The following EMC8 variants were observed in gnomAD, a reference collection of about 807,000 sequenced individuals.
EMC8 encodes COX4 neighbor.
A neutral mutation model predicts 24.3 loss-of-function variants in EMC8; 11 were observed. That is an observed-to-expected ratio of 0.45 (90% CI 0.28 to 0.75). The LOEUF (loss-of-function observed/expected upper bound fraction) is 0.75, where lower values mean the gene tolerates loss of function less well. Ranked by LOEUF, EMC8 falls within the 30% of genes least tolerant of loss-of-function variation. The probability of loss-of-function intolerance (pLI) is 0.12; values close to 1 mark genes in which losing one functional copy is unlikely to be tolerated. For missense variants in EMC8, 277 were observed against 282.7 expected, an observed-to-expected ratio of 0.98 and a Z score of 0.14; for synonymous variants, 145 against 117.7, an observed-to-expected ratio of 1.23 and a Z score of -1.50.
chr16:85,791,987 T>C (rs557423740), intron 1 of EMC8, among the ~76,000 whole-genome samples: 1 of 152,256 alleles, frequency 6.6e-6, no homozygotes, highest in Non-Finnish European at 1.5e-5. Context: ...CCATACAACA[T>C]TTTCTAGGAA....
At chr16:85,780,355 C>T (rs751726340) in intron 4 of EMC8, 24 bp downstream of exon 4, 37 of 1,590,908 alleles carry the variant, frequency 2.3e-5, no homozygotes, top group East Asian at 1.6e-4. Flanking sequence ...GCCCAGCCCG[C>T]GCGGCAGCAT....
chr16:85,795,701 T>C (rs1241966517), intron 1 of EMC8, among the ~76,000 whole-genome samples: 2 of 152,172 alleles, frequency 1.3e-5, no homozygotes, highest in Non-Finnish European at 2.9e-5. Flanking sequence ...CAGTGTCCTG[T>C]ATAATAAACC....
At chr16:85,784,139 C>T (rs547633909) in intron 2 of EMC8, among the ~76,000 whole-genome samples, 25 of 152,312 alleles carry the variant, frequency 1.6e-4, no homozygotes, top group Non-Finnish European at 3.1e-4. Context: ...GCTGGGACTA[C>T]AGGCGCCCGC....
chr16:85,785,909 G>A (rs1904732866), intron 2 of EMC8, among the ~76,000 whole-genome samples: 1 of 151,658 alleles, frequency 6.6e-6, no homozygotes, highest in Admixed American at 6.6e-5. Flanking sequence ...CTCTCTGCCG[G>A]GCACCGAAAC....
At chr16:85,796,661 T>G (rs1020036387) in intron 1 of EMC8, among the ~76,000 whole-genome samples, 1 of 151,862 alleles carries the variant, frequency 6.6e-6, no homozygotes, top group Admixed American at 6.6e-5. Flanking sequence ...CTCTCCAAAC[T>G]CCCCCACTCG....
At chr16:85,788,761 A>G in intron 2 of EMC8, 1 of 581,872 alleles carries the variant, frequency 1.7e-6, no homozygotes, top group South Asian at 2.1e-5. Flanking sequence ...TAAAGAAGAC[A>G]CAAAACAGAA....
At chr16:85,780,356 G>A (rs757554746) in intron 4 of EMC8, 23 bp downstream of exon 4, 22 of 1,592,618 alleles carry the variant, frequency 1.4e-5, no homozygotes, top group African/African-American at 4.0e-5. Context: ...CCCAGCCCGC[G>A]CGGCAGCATG....
chr16:85,798,654 A>C, intron 1 of EMC8: 1 of 177,778 alleles, frequency 5.6e-6, no homozygotes, highest in Non-Finnish European at 1.2e-5. Flanking sequence ...CCAGATAAGG[A>C]ATCGGCTCTG....
At chr16:85,792,767 A>ACTAG (rs1263411429) in intron 1 of EMC8, 2 of 152,236 alleles carry the variant, frequency 1.3e-5, no homozygotes, top group African/African-American at 4.8e-5. Flanking sequence ...AGTCAAGGCA[A>ACTAG]CTAGCTTCCT....
chr16:85,789,182 C>A, intron 1 of EMC8, 132 bp from the exon 2 acceptor site: 1 of 689,354 alleles, frequency 1.5e-6, no homozygotes, highest in South Asian at 1.6e-5. Flanking sequence ...CCCTACACCC[C>A]AGAAGAAAGG....
rs1298026836 is a variant in EMC8, at chr16:85,778,684, TAAGAG to T, written c.*1019_*1023del. The T allele has an allele frequency of 1.3e-5, 2 of 152,202 alleles. No homozygotes were observed. Among genetic ancestry groups the T allele is most frequent in the African/African-American group, 4.8e-5 (2 of 41,440 alleles). 9.4% of individuals were successfully genotyped at this position (152,202 alleles called of 1,614,324 possible). ...ATGTCTGAACTTTTTTCCTATGTGT[TAAGAG>T]AAAATAGTGACCGCTGTATCACAAA... On this transcript the variant is annotated 3_prime_UTR_variant, in exon 5 of 5. Coordinates refer to ENST00000253457, the MANE Select transcript of EMC8 (RefSeq NM_006067.5).
chr16:85,784,460 C>T (rs958542003), intron 2 of EMC8: 3 of 152,000 alleles, frequency 2.0e-5, no homozygotes, highest in Non-Finnish European at 4.4e-5. Context: ...TTTTCGTTTT[C>T]AAAATTGACA....
At chr16:85,785,398 C>T (rs1317837916) in intron 2 of EMC8, among the ~76,000 whole-genome samples, 1 of 151,952 alleles carries the variant, frequency 6.6e-6, no homozygotes, top group Non-Finnish European at 1.5e-5. Flanking sequence ...GGTGAAACCC[C>T]GTCTCTACTA....
In EMC8 at chr16:85,799,025, C is replaced by T. The variant is rs748935054; in HGVS notation, c.231+40G>A. The T allele has an allele frequency of 1.2e-4, 162 of 1,386,532 alleles. No homozygotes were observed. Among genetic ancestry groups the T allele is most frequent in the Non-Finnish European group, 1.5e-4 (151 of 1,011,596 alleles). 85.9% of individuals were successfully genotyped at this position (1,386,532 alleles called of 1,614,324 possible). On this transcript the variant is annotated intron_variant, in intron 1 of 4. Coordinates refer to ENST00000253457, the MANE Select transcript of EMC8 (RefSeq NM_006067.5). This position sits in a 1 kb window ranked among gnomAD's most constrained non-coding sequence, Gnocchi z 4.2. ...TCCTCTCTGCTGACTGAGGGGAGGC[C>T]AGGCTGCCTGCAAGGGGAAGGGGCC...
At chr16:85,794,259 G>A (rs1427692177) in intron 1 of EMC8, among the ~76,000 whole-genome samples, 1 of 152,178 alleles carries the variant, frequency 6.6e-6, no homozygotes, top group Non-Finnish European at 1.5e-5. Flanking sequence ...TAGCTTAACT[G>A]AAGTACAAAA....
rs1340258966 is a variant in EMC8, at chr16:85,779,107, C to G, written c.*601G>C. 3 of 152,254 alleles carry G rather than the reference C, an allele frequency of 2.0e-5. No homozygotes were observed. Among genetic ancestry groups the G allele is most frequent in the Non-Finnish European group, 2.9e-5 (2 of 68,122 alleles). 9.4% of individuals were successfully genotyped at this position (152,254 alleles called of 1,614,324 possible). ...AAGGCTTCTGTGGCATCAGTGGTGT[C>G]ACTCCCGCTGGGCAGAGTTGCGGTG... On this transcript the variant is annotated 3_prime_UTR_variant, in exon 5 of 5. Coordinates refer to ENST00000253457, the MANE Select transcript of EMC8 (RefSeq NM_006067.5).
intron 1 of EMC8, chr16:85,798,767 G>A (rs1323499441): frequency 2.7e-6 from 1 of 368,730 alleles, no homozygotes; most frequent in Non-Finnish European, 4.9e-6. Flanking sequence ...TCCCCACCAA[G>A]TGAACGATGA....
chr16:85,795,429 T>C (rs1336101791), intron 1 of EMC8, among the ~76,000 whole-genome samples: 3 of 152,160 alleles, frequency 2.0e-5, no homozygotes. Flanking sequence ...CTCACGGCCC[T>C]GGTTAGTCTT....
chr16:85,798,136 TTTTG>T (rs1905341088), intron 1 of EMC8, among the ~76,000 whole-genome samples: 1 of 147,232 alleles, frequency 6.8e-6, no homozygotes, highest in African/African-American at 2.6e-5. Flanking sequence ...TTTTTTTTTT[TTTTG>T]AGACGGAGTC....
Sources: allele counts gnomAD v4.1 joint callset (sites outside exome capture counted in the v4.1 genomes callset), GRCh38; gene constraint gnomAD v4.1.1; non-coding constraint Gnocchi (gnomAD v3.1); transcripts MANE v1.5; gene names NCBI Gene and HGNC (gene_info 2026-07-23, HGNC 2026-07-21).